BAHCC1: variants seen among roughly 807,000 people sequenced by gnomAD.
The protein encoded by BAHCC1 is BAH and coiled-coil domain-containing protein 1.
In BAHCC1, 43 loss-of-function variants were observed where a neutral mutation model predicts 88.2. The observed-to-expected ratio is 0.49, with a 90% CI of 0.38 to 0.63. The LOEUF (loss-of-function observed/expected upper bound fraction) is 0.63, where lower values mean the gene tolerates loss of function less well. Among genes scored for constraint, BAHCC1 ranks in the 20% least tolerant of loss-of-function variants. The pLI, the probability that BAHCC1 is intolerant of heterozygous loss-of-function variation, is 0.00. For missense variants in BAHCC1, 3,023 were observed against 1,654.8 expected, an observed-to-expected ratio of 1.83 and a Z score of -14.34; for synonymous variants, 1,510 against 745.5, an observed-to-expected ratio of 2.03 and a Z score of -16.71.
chr17:81,434,183 G>A lies in BAHCC1; in HGVS notation c.359-4187G>A, dbSNP rs1229793494. 2.6e-5 allele frequency among the ~76,000 whole-genome samples: 4 copies of A among 152,182 alleles called. No homozygotes were observed. The highest frequency in any genetic ancestry group is 2.1e-4 in the South Asian group (1 of 4,836). ...CAGGAGGATGGGCCCTCGCTGGACA[G>A]TGGGTATTTGAGACAGTGCCCACAG... is the stretch of plus-strand genomic sequence containing the variant. On this transcript the variant is annotated intron_variant, in intron 3 of 27. Transcript: ENST00000675386. The surrounding 1 kb of genome is among the most constrained non-coding windows in gnomAD (Gnocchi z 4.9).
intron 2 of BAHCC1, among the ~76,000 whole-genome samples, chr17:81,421,556 C>A (rs1032743452): frequency 2.0e-5 from 3 of 152,316 alleles, no homozygotes; most frequent in African/African-American, 7.2e-5. Flanking sequence ...GTAGTGACCA[C>A]CTGGCAGGGC....
In BAHCC1 at chr17:81,434,117, A is replaced by G. The variant is rs965181018; in HGVS notation, c.359-4253A>G. 6.6e-5 allele frequency among the ~76,000 whole-genome samples: 10 copies of G among 152,150 alleles called. No homozygotes were observed. The highest frequency in any genetic ancestry group is 2.4e-4 in the African/African-American group (10 of 41,430). On this transcript the variant is annotated intron_variant, in intron 3 of 27. Coordinates refer to ENST00000675386, the MANE Select transcript of BAHCC1 (RefSeq NM_001377448.1). This position sits in a 1 kb window ranked among gnomAD's most constrained non-coding sequence, Gnocchi z 4.9. ...TGGGGGGAGTAACAGGGGATCTGGC[A>G]GAGTTGGCAGGAGGTGGGGGAGGGG...
In BAHCC1 at chr17:81,442,332, C is replaced by G. The variant is rs782779018; in HGVS notation, c.983C>G (p.Pro328Arg). 178 of 687,386 alleles carry G rather than the reference C, an allele frequency of 2.6e-4. No individual in the cohort carries two copies. In the East Asian group the frequency reaches 3.2e-3, roughly 12 times the overall value. 42.6% of individuals were successfully genotyped at this position (687,386 alleles called of 1,614,324 possible). ...TGTGCAAAGGAGGCAGCAGGCCCCC[C>G]GGAGCCCGGGCCGGCCTTCAGCGAG... ...GRCAKEAAGP[P>R]EPGPAFSECL... The change falls in exon 5 of 28, where the codon CCG becomes CGG. Residue 328 changes from proline (P) to arginine (R), a missense_variant. By Grantham distance (103) the Pro-to-Arg change is moderately radical. Coordinates refer to ENST00000675386, the MANE Select transcript of BAHCC1 (RefSeq NM_001377448.1).
chr17:81,437,518 C>T (rs1332024624), intron 3 of BAHCC1, among the ~76,000 whole-genome samples: 2 of 152,260 alleles, frequency 1.3e-5, no homozygotes, highest in Admixed American at 1.3e-4. Context: ...ATGCTCAGCC[C>T]TGTCCTGACC....
chr17:81,427,438 G>A (rs1484628472), intron 3 of BAHCC1, among the ~76,000 whole-genome samples: 8 of 152,182 alleles, frequency 5.3e-5, no homozygotes, highest in African/African-American at 1.9e-4. Flanking sequence ...CCTGTCCCAG[G>A]ACAAAGAGTT....
chr17:81,418,289 T>A (rs7220557), intron 2 of BAHCC1, among the ~76,000 whole-genome samples: 1 of 152,014 alleles, frequency 6.6e-6, no homozygotes, highest in Non-Finnish European at 1.5e-5. Flanking sequence ...CCGAGAAACA[T>A]TGGGTCCTGC....
intron 2 of BAHCC1, chr17:81,402,711 C>G (rs945998632): frequency 6.6e-6 from 1 of 152,278 alleles, no homozygotes; most frequent in Non-Finnish European, 1.5e-5. Flanking sequence ...TCTTCCTGTG[C>G]CTGTCTGGCC....
chr17:81,415,825 G>C (rs532350678), intron 2 of BAHCC1, among the ~76,000 whole-genome samples: 8 of 152,358 alleles, frequency 5.3e-5, no homozygotes, highest in African/African-American at 1.9e-4. Context: ...TCTCTCACCT[G>C]GGTGCGGGGA....
At chr17:81,418,859 A>G (rs1350586162) in intron 2 of BAHCC1, among the ~76,000 whole-genome samples, 1 of 149,940 alleles carries the variant, frequency 6.7e-6, no homozygotes, top group Non-Finnish European at 1.5e-5. Flanking sequence ...CATGTAGCAC[A>G]GTCAGACCTT....
chr17:81,407,601 G>T (rs1379452326), intron 2 of BAHCC1, among the ~76,000 whole-genome samples: 2 of 152,226 alleles, frequency 1.3e-5, no homozygotes, highest in Admixed American at 6.5e-5. Flanking sequence ...AAGGGGCTGC[G>T]CTGTGGGGCA....
At chr17:81,431,365 A>G (rs1306987974) in intron 3 of BAHCC1, among the ~76,000 whole-genome samples, 1 of 152,068 alleles carries the variant, frequency 6.6e-6, no homozygotes, top group African/African-American at 2.4e-5. Flanking sequence ...CCTCATGTTC[A>G]CGGCCTGGCT....
chr17:81,463,799 C>A lies in BAHCC1; in HGVS notation c.7809C>A (p.Gly2603=). ...CCGGGCGCCTGGTGACGGCTGATGGCGTGCCCATCCTATGCTGAGCCGCCC... is the reference window on the plus strand; with the variant it reads ...CCGGGCGCCTGGTGACGGCTGATGGAGTGCCCATCCTATGCTGAGCCGCCC... ...PTTGRLVTAD[G]VPILC Residue 2603 remains glycine (G), a synonymous_variant, in exon 28 of 28, where the codon GGC becomes GGA. Coordinates refer to ENST00000675386, the MANE Select transcript of BAHCC1 (RefSeq NM_001377448.1). 1 of 742,798 alleles carries A rather than the reference C, an allele frequency of 1.3e-6. No homozygotes were observed. The allele number at this position is 742,798 out of a possible 1,614,324, so 46.0% of individuals were successfully genotyped here. A position where few individuals can be genotyped will look rare whatever the true frequency, so the allele number is the denominator to read the frequency against.
At chr17:81,460,135 G>A in intron 23 of BAHCC1, 142 bp from the exon 24 acceptor site, 1 of 622,414 alleles carries the variant, frequency 1.6e-6, no homozygotes, top group East Asian at 2.7e-5. Flanking sequence ...TGGGCTGCAG[G>A]GCGGCTCCAC....
intron 14 of BAHCC1, 134 bp downstream of exon 14, chr17:81,452,985 C>A (rs2064672662): frequency 5.2e-6 from 3 of 576,788 alleles, no homozygotes; most frequent in Non-Finnish European, 9.1e-6. Context: ...AAGGCCTGGC[C>A]CTGCCCTTCC....
At position 81,458,639 on chromosome 17, in the gene BAHCC1, T is replaced by C. The variant is rs1555658187; in HGVS notation, c.5362T>C (p.Ser1788Pro). The C allele has an allele frequency of 1.4e-6, 1 of 717,918 alleles. No individual in the cohort carries two copies. Among genetic ancestry groups the C allele is most frequent in the East Asian group, 2.7e-5 (1 of 37,384 alleles). 44.5% of individuals were successfully genotyped at this position (717,918 alleles called of 1,614,324 possible). A position where few individuals can be genotyped will look rare whatever the true frequency, so the allele number is the denominator to read the frequency against. The change falls in exon 19 of 28, where the codon TCC (serine) becomes CCC (proline). Residue 1788 changes from serine to proline, a missense_variant. Ser to Pro is a moderately conservative substitution (Grantham distance 74). Transcript: ENST00000675386. The stretch of plus-strand genomic sequence containing the variant: ...CGCGCAGCGGAAGAACGGGGCCCTG[T>C]CCATCACGCTGGCCACACGCAACGC... ...PVLRRKNGAL[S>P]ITLATRNAKA...
At chr17:81,437,769 A>C (rs2064356005) in intron 3 of BAHCC1, among the ~76,000 whole-genome samples, 1 of 152,214 alleles carries the variant, frequency 6.6e-6, no homozygotes, top group Non-Finnish European at 1.5e-5. Context: ...GGGCCTGTGC[A>C]AGGAACTCTT....
At chr17:81,423,760 A>G (rs1555649904) in intron 2 of BAHCC1, among the ~76,000 whole-genome samples, 1 of 150,420 alleles carries the variant, frequency 6.6e-6, no homozygotes, top group Admixed American at 6.6e-5. Flanking sequence ...AGTCATGGCA[A>G]CTCTGGGAGG....
intron 3 of BAHCC1, among the ~76,000 whole-genome samples, chr17:81,427,796 C>T (rs1485610256): frequency 1.3e-5 from 2 of 152,218 alleles, no homozygotes; most frequent in Non-Finnish European, 2.9e-5. Flanking sequence ...GCTCTCCGCT[C>T]CTGGCACCCA....
intron 2 of BAHCC1, among the ~76,000 whole-genome samples, chr17:81,407,817 C>G (rs1172108189): frequency 6.6e-6 from 1 of 152,200 alleles, no homozygotes; most frequent in Non-Finnish European, 1.5e-5. Context: ...CTCCTGTGTG[C>G]TCACACCATG....
Sources: allele counts gnomAD v4.1 joint callset (sites outside exome capture counted in the v4.1 genomes callset), GRCh38; gene constraint gnomAD v4.1.1; non-coding constraint Gnocchi (gnomAD v3.1); transcripts MANE v1.5; gene names NCBI Gene and HGNC (gene_info 2026-07-23, HGNC 2026-07-21).